The following DLGAP1 variants were observed in gnomAD, a reference collection of about 807,000 sequenced individuals.
DLGAP1 encodes DLG associated protein 1, also known as disks large-associated protein 1.
A neutral mutation model predicts 90.8 loss-of-function variants in DLGAP1; 11 were observed. The observed-to-expected ratio is 0.12, with a 90% confidence interval of 0.08 to 0.20. DLGAP1 has a LOEUF of 0.20. Among genes scored for constraint, DLGAP1 ranks in the 10% least tolerant of loss-of-function variants. The pLI, the probability that DLGAP1 is intolerant of heterozygous loss-of-function variation, is 1.00. For synonymous variants in DLGAP1, 558 were observed against 540.7 expected (o/e 1.03, Z -0.44); for missense variants, 1,050 against 1,333.8 (o/e 0.79, Z 3.31).
intron 10 of DLGAP1, among the ~76,000 whole-genome samples, chr18:3,525,033 T>A (rs976987184): frequency 1.3e-5 from 2 of 152,020 alleles, no homozygotes; most frequent in Admixed American, 6.6e-5. Context: ...AAAGAATGGA[T>A]TCTCTAGTAG....
intron 3 of DLGAP1, among the ~76,000 whole-genome samples, chr18:3,937,985 G>T (rs575626387): frequency 6.6e-6 from 1 of 152,178 alleles, no homozygotes; most frequent in Non-Finnish European, 1.5e-5. Context: ...TAGGATAAAA[G>T]TACTCAGCAA....
intron 3 of DLGAP1, among the ~76,000 whole-genome samples, chr18:3,892,173 T>C (rs551082606): frequency 1.4e-5 from 2 of 147,962 alleles, no homozygotes; most frequent in Admixed American, 6.7e-5. Context: ...ACACAGTCTT[T>C]CATACTGCTA....
At chr18:4,177,351 AACACACACACACAC>A (rs34299932) in intron 1 of DLGAP1, among the ~76,000 whole-genome samples, 82 of 141,656 alleles carry the variant, frequency 5.8e-4, no homozygotes, top group East Asian at 1.0e-3. Flanking sequence ...ACTTTCTTTG[AACACACACACACAC>A]ACACACACAC....
chr18:4,040,127 G>C (rs914565769), intron 2 of DLGAP1, among the ~76,000 whole-genome samples: 22 of 152,184 alleles, frequency 1.4e-4, no homozygotes, highest in African/African-American at 5.3e-4. Flanking sequence ...ATGGTTAAGA[G>C]TTTGGACTCT....
At chr18:4,010,936 G>A (rs933312505) in intron 2 of DLGAP1, among the ~76,000 whole-genome samples, 4 of 151,912 alleles carry the variant, frequency 2.6e-5, no homozygotes, top group Non-Finnish European at 5.9e-5. Context: ...AGCACTTTGG[G>A]AGGCCGAGGC....
At chr18:3,512,587 T>C (rs552643914) in intron 10 of DLGAP1, among the ~76,000 whole-genome samples, 33 of 152,348 alleles carry the variant, frequency 2.2e-4, no homozygotes, top group Middle Eastern at 6.8e-3. Flanking sequence ...TTTGTGAACA[T>C]GTGTTTACTT....
intron 3 of DLGAP1, among the ~76,000 whole-genome samples, chr18:3,959,743 C>T (rs145753246): frequency 2.0e-5 from 3 of 151,884 alleles, no homozygotes; most frequent in African/African-American, 4.8e-5. Flanking sequence ...AGTAGTTACA[C>T]TGAAGAAAGA....
chr18:3,819,426 C>T (rs1400131196), intron 4 of DLGAP1, among the ~76,000 whole-genome samples: 3 of 151,940 alleles, frequency 2.0e-5, no homozygotes, highest in East Asian at 3.9e-4. Context: ...AACTATGGCT[C>T]TTAGAATCAA....
chr18:3,724,706 C>T (rs571833914), intron 7 of DLGAP1, among the ~76,000 whole-genome samples: 1 of 152,150 alleles, frequency 6.6e-6, no homozygotes, highest in South Asian at 2.1e-4. Flanking sequence ...CATTGCACTC[C>T]AGCCTGGGTG....
intron 7 of DLGAP1, among the ~76,000 whole-genome samples, chr18:3,604,851 G>C (rs927793584): frequency 6.6e-6 from 1 of 152,172 alleles, no homozygotes; most frequent in African/African-American, 2.4e-5. Context: ...AAATGTCAGC[G>C]TACATCCTGT....
At chr18:4,107,814 T>C (rs1001091092) in intron 2 of DLGAP1, among the ~76,000 whole-genome samples, 5 of 152,226 alleles carry the variant, frequency 3.3e-5, no homozygotes, top group Admixed American at 2.6e-4. Context: ...TATTTCCTTT[T>C]AAGTTTTTTA....
intron 1 of DLGAP1, among the ~76,000 whole-genome samples, chr18:4,407,889 T>TAA (rs771640843): frequency 0.099 from 464 of 4,668 alleles, 3 homozygotes; most frequent in East Asian, 0.12. Context: ...AATAAATAAA[T>TAA]ATATAAATAA....
chr18:3,506,459 G>A (rs1221191288), intron 11 of DLGAP1, among the ~76,000 whole-genome samples: 1 of 134,798 alleles, frequency 7.4e-6, no homozygotes, highest in African/African-American at 2.8e-5. Context: ...GTTGCAGTGA[G>A]CCGAGATTGC....
At chr18:3,971,790 T>A (rs2073455571) in intron 3 of DLGAP1, among the ~76,000 whole-genome samples, 1 of 152,220 alleles carries the variant, frequency 6.6e-6, no homozygotes, top group Non-Finnish European at 1.5e-5. Flanking sequence ...CAATAAAACT[T>A]AAACCTGGCA....
At chr18:3,523,671 C>T (rs760425939) in intron 10 of DLGAP1, among the ~76,000 whole-genome samples, 6 of 151,846 alleles carry the variant, frequency 4.0e-5, no homozygotes, top group East Asian at 1.9e-4. Context: ...CACGGTGAAA[C>T]CCCGTCTCTA....
chr18:3,552,670 T>G (rs1042795285), intron 9 of DLGAP1, among the ~76,000 whole-genome samples: 1 of 152,168 alleles, frequency 6.6e-6, no homozygotes, highest in Non-Finnish European at 1.5e-5. Flanking sequence ...TATGCTGGTC[T>G]CCTCCAGGCC....
intron 7 of DLGAP1, chr18:3,656,149 G>A: frequency 1.3e-6 from 2 of 1,533,302 alleles, no homozygotes; most frequent in Admixed American, 2.1e-5. Context: ...TTATATAATG[G>A]ACCCAAATCG....
chr18:4,128,475 C>T lies in DLGAP1; in HGVS notation c.-159+22705G>A, dbSNP rs73943859. 1.8e-3 allele frequency among the ~76,000 whole-genome samples: 271 copies of T among 152,190 alleles called. 1 individual carries two copies. Among genetic ancestry groups the T allele is most frequent in the African/African-American group, 6.3e-3 (262 of 41,534 alleles). ...ATCTCCTGCAACTGCTGATTCCACA[C>T]GTGAAAATGTGATTATATTACTTGA... On this transcript the variant is annotated intron_variant, in intron 2 of 12. Transcript: ENST00000315677.
At chr18:3,554,717 TC>T (rs1278815386) in intron 9 of DLGAP1, among the ~76,000 whole-genome samples, 1 of 152,202 alleles carries the variant, frequency 6.6e-6, no homozygotes, top group Non-Finnish European at 1.5e-5. Context: ...GTTTTTAACT[TC>T]TTTTTGTTTT....
Sources: allele counts gnomAD v4.1 joint callset (sites outside exome capture counted in the v4.1 genomes callset), GRCh38; gene constraint gnomAD v4.1.1; transcripts MANE v1.5; gene names NCBI Gene and HGNC (gene_info 2026-07-23, HGNC 2026-07-21).